The following TBCA variants were observed in gnomAD, a reference collection of about 807,000 sequenced individuals.
The protein encoded by TBCA is tubulin folding cofactor A.
In TBCA, 6 loss-of-function variants were observed where a neutral mutation model predicts 15.8. The ratio of observed to expected loss-of-function variants is 0.38; its 90% CI spans 0.21 to 0.75. The LOEUF (loss-of-function observed/expected upper bound fraction) is 0.75. Ranked by LOEUF, TBCA falls within the 30% of genes least tolerant of loss-of-function variation. TBCA has a pLI of 0.46. For missense variants in TBCA, 90 were observed against 131.2 expected (o/e 0.69, Z 1.53); for synonymous variants, 32 against 42.3 (o/e 0.76, Z 0.94).
chr5:77,738,522 G>GCC (rs1468465956), intron 1 of TBCA, among the ~76,000 whole-genome samples: 8 of 152,330 alleles, frequency 5.3e-5, no homozygotes, highest in Non-Finnish European at 1.0e-4. Flanking sequence ...CACATGGCCT[G>GCC]CCCACTAGGC....
intron 2 of TBCA, among the ~76,000 whole-genome samples, chr5:77,695,413 C>T (rs1191814909): frequency 6.6e-6 from 1 of 152,014 alleles, no homozygotes; most frequent in African/African-American, 2.4e-5. Context: ...CCTCCAAATC[C>T]GTAAGTCTAG....
chr5:77,771,230 T>A (rs1410210563), intron 1 of TBCA, among the ~76,000 whole-genome samples: 3 of 151,504 alleles, frequency 2.0e-5, no homozygotes, highest in Non-Finnish European at 2.9e-5. Flanking sequence ...AAAGTATACA[T>A]GTAACAAAAT....
intron 1 of TBCA, among the ~76,000 whole-genome samples, chr5:77,736,870 C>T (rs957165670): frequency 6.6e-6 from 1 of 152,208 alleles, no homozygotes; most frequent in African/African-American, 2.4e-5. Context: ...CAAATAGTAA[C>T]TCAACAGTCA....
chr5:77,692,700 T>C (rs16874505), intron 3 of TBCA: 103,128 of 987,966 alleles, frequency 0.1, 6,567 homozygotes, highest in East Asian at 0.35. Flanking sequence ...TCTTAGATAG[T>C]ATTTTAACAG....
At chr5:77,757,798 G>A (rs1207235451) in intron 1 of TBCA, among the ~76,000 whole-genome samples, 2 of 152,232 alleles carry the variant, frequency 1.3e-5, no homozygotes, top group Non-Finnish European at 2.9e-5. Context: ...ATAGCCTCAG[G>A]AGGTCCTGAT....
rs185765334 is a variant in TBCA at position 77,732,939 on chromosome 5, G to T, written c.54-24592C>A. ...TCAATAACTCTATAATGGCCTCTAA[G>T]TGTTCAAGTGAAAGGAAGAATCACA... On this transcript the variant is annotated intron_variant, in intron 1 of 3. Coordinates refer to ENST00000380377, the MANE Select transcript of TBCA (RefSeq NM_004607.3). Among the ~76,000 whole-genome samples the T allele has an allele frequency of 1.2e-3, 181 of 152,240 alleles. 3 individuals carry two copies. In the East Asian group the frequency reaches 0.03, roughly 26 times the overall value.
At chr5:77,765,944 C>T (rs911787741) in intron 1 of TBCA, among the ~76,000 whole-genome samples, 8 of 148,550 alleles carry the variant, frequency 5.4e-5, no homozygotes, top group African/African-American at 1.7e-4. Flanking sequence ...TAAAAACATA[C>T]ATTCGTACAT....
intron 1 of TBCA, among the ~76,000 whole-genome samples, chr5:77,771,814 G>A (rs572348749): frequency 6.6e-6 from 1 of 152,252 alleles, no homozygotes; most frequent in South Asian, 2.1e-4. Context: ...GGTCTAATCA[G>A]AAACTAAATT....
intron 1 of TBCA, among the ~76,000 whole-genome samples, chr5:77,716,325 T>C (rs351878): frequency 0.97 from 147,564 of 152,286 alleles, 71,796 homozygotes; most frequent in African/African-American, 0.99. Flanking sequence ...GCATTTCCAA[T>C]GGGCATCAAC....
intron 3 of TBCA, chr5:77,691,715 T>C (rs1745752691): frequency 8.2e-7 from 1 of 1,226,658 alleles, no homozygotes; most frequent in Non-Finnish European, 1.0e-6. Context: ...TGTTTCACTG[T>C]ATATATTCTC....
intron 1 of TBCA, among the ~76,000 whole-genome samples, chr5:77,732,503 A>G (rs1246814582): frequency 7.0e-6 from 1 of 142,858 alleles, no homozygotes; most frequent in Admixed American, 7.4e-5. Context: ...GTGAGCAGAG[A>G]TCGTGCCACT....
intron 1 of TBCA, among the ~76,000 whole-genome samples, chr5:77,744,328 C>T (rs1344277851): frequency 2.0e-5 from 3 of 151,914 alleles, no homozygotes; most frequent in Non-Finnish European, 2.9e-5. Context: ...AGTGGGTAGA[C>T]GTCAGGGATG....
In TBCA at chr5:77,691,211, T is replaced by A. The variant is rs1034123961; in HGVS notation, c.*207A>T. The A allele has an allele frequency of 1.1e-4, 55 of 515,684 alleles. 1 individual carries two copies. The highest frequency in any genetic ancestry group is 5.3e-4 in the Admixed American group (13 of 24,620). 31.9% of individuals were successfully genotyped at this position (515,684 alleles called of 1,614,324 possible). A position where few individuals can be genotyped will look rare whatever the true frequency, so the allele number is the denominator to read the frequency against. On this transcript the variant is annotated 3_prime_UTR_variant, in exon 4 of 4. Transcript: ENST00000380377. ...GTGGTTTAATGATAAAAGGTTAATT[T>A]AAAAATTTTGTAAAGTATAAAATAA...
At chr5:77,754,721 C>A (rs1176896398) in intron 1 of TBCA, among the ~76,000 whole-genome samples, 1 of 152,148 alleles carries the variant, frequency 6.6e-6, no homozygotes, top group Non-Finnish European at 1.5e-5. Flanking sequence ...AATTACACAA[C>A]CAAAGATCAT....
intron 1 of TBCA, among the ~76,000 whole-genome samples, chr5:77,750,135 T>TCTCC (rs1747284989): frequency 1.4e-5 from 2 of 142,904 alleles, no homozygotes; most frequent in Admixed American, 1.4e-4. Flanking sequence ...ATTTGTGCTC[T>TCTCC]CTCTCTATAT....
At chr5:77,733,711 A>T (rs916881744) in intron 1 of TBCA, among the ~76,000 whole-genome samples, 2 of 152,252 alleles carry the variant, frequency 1.3e-5, no homozygotes, top group Non-Finnish European at 2.9e-5. Flanking sequence ...GCTGATGTAG[A>T]AGCTACAGCA....
At chr5:77,720,858 T>A (rs1013469274) in intron 1 of TBCA, among the ~76,000 whole-genome samples, 1 of 152,216 alleles carries the variant, frequency 6.6e-6, no homozygotes, top group African/African-American at 2.4e-5. Context: ...AAAATTGTTA[T>A]ATATAACTTA....
intron 1 of TBCA, among the ~76,000 whole-genome samples, chr5:77,752,020 C>A (rs1747356751): frequency 6.6e-6 from 1 of 152,142 alleles, no homozygotes; most frequent in Non-Finnish European, 1.5e-5. Context: ...GCAAGAATAA[C>A]CTCCTGTGCA....
intron 1 of TBCA, among the ~76,000 whole-genome samples, chr5:77,727,747 C>T (rs7724594): frequency 0.11 from 16,238 of 152,108 alleles, 933 homozygotes; most frequent in Middle Eastern, 0.13. Flanking sequence ...CTCAGCCCAA[C>T]AGGGAATACC....
Sources: gnomAD v4.1 joint callset for allele counts (sites outside exome capture counted in the v4.1 genomes callset) on GRCh38, gnomAD v4.1.1 for gene constraint, MANE v1.5 for transcripts, NCBI Gene and HGNC (gene_info 2026-07-23, HGNC 2026-07-21) for gene names.